Variants in RBMS3 observed in about 807,000 individuals in gnomAD.
RBMS3 encodes RNA binding motif single stranded interacting protein 3, also known as RNA-binding motif, single-stranded-interacting protein 3.
In RBMS3, 27 loss-of-function variants were observed where a neutral mutation model predicts 66.8. The ratio of observed to expected loss-of-function variants is 0.40; its 90% CI spans 0.30 to 0.56. RBMS3 has a LOEUF of 0.56. Among genes scored for constraint, RBMS3 ranks in the 20% least tolerant of loss-of-function variants. The probability of loss-of-function intolerance (pLI) is 0.40; values close to 1 mark genes in which losing one functional copy is unlikely to be tolerated. For missense variants in RBMS3, 513 were observed against 549.5 expected (o/e 0.93, Z 0.66); for synonymous variants, 188 against 183.0 (o/e 1.03, Z -0.22).
intron 1 of RBMS3, among the ~76,000 whole-genome samples, chr3:29,398,477 G>A (rs2039654449): frequency 6.6e-6 from 1 of 152,142 alleles, no homozygotes; most frequent in Non-Finnish European, 1.5e-5. Flanking sequence ...CCAGCTATTG[G>A]AGTAAATAAA....
chr3:29,411,494 T>G (rs1421604898), intron 1 of RBMS3, among the ~76,000 whole-genome samples: 2 of 152,176 alleles, frequency 1.3e-5, no homozygotes, highest in African/African-American at 4.8e-5. Context: ...CTGTTTTCCA[T>G]TTTTCAGGAA....
At chr3:29,665,103 A>G (rs1258621143) in intron 4 of RBMS3, among the ~76,000 whole-genome samples, 2 of 152,242 alleles carry the variant, frequency 1.3e-5, no homozygotes, top group East Asian at 3.8e-4. Flanking sequence ...TGAAAATGCT[A>G]GTAACCAGAA....
intron 2 of RBMS3, among the ~76,000 whole-genome samples, chr3:29,445,554 T>C (rs529839165): frequency 9.9e-5 from 15 of 152,134 alleles, no homozygotes; most frequent in Non-Finnish European, 2.1e-4. Context: ...AATTTTGTTT[T>C]TTCACAGATT....
At chr3:29,374,631 G>T (rs1463953776) in intron 1 of RBMS3, among the ~76,000 whole-genome samples, 1 of 152,194 alleles carries the variant, frequency 6.6e-6, no homozygotes, top group African/African-American at 2.4e-5. Flanking sequence ...GCATGTTTAA[G>T]TTAGGCTAGG....
intron 1 of RBMS3, among the ~76,000 whole-genome samples, chr3:29,299,792 G>A (rs965728273): frequency 4.6e-5 from 7 of 151,750 alleles, no homozygotes; most frequent in African/African-American, 1.7e-4. Context: ...TAGTATGGGG[G>A]TGGGGGTTCC....
In RBMS3 at chr3:30,005,399, G is replaced by A. The variant is rs1313740739; in HGVS notation, c.*1537G>A. The A allele has an allele frequency of 6.6e-6, 1 of 151,784 alleles. No individual in the cohort carries two copies. Among genetic ancestry groups the A allele is most frequent in the Non-Finnish European group, 1.5e-5 (1 of 67,788 alleles). 9.4% of individuals were successfully genotyped at this position (151,784 alleles called of 1,614,324 possible). On this transcript the variant is annotated 3_prime_UTR_variant, in exon 15 of 15. Transcript: ENST00000383767. ...TGTCTTGAATAGTGAAACCTGTATT[G>A]ATGGCCACTAGTAAACCAAGATGCT...
chr3:29,717,674 G>A (rs561237334), intron 4 of RBMS3, among the ~76,000 whole-genome samples: 15 of 152,180 alleles, frequency 9.9e-5, no homozygotes, highest in Non-Finnish European at 1.9e-4. Flanking sequence ...CATTAGAATT[G>A]TGCAGAAATA....
chr3:29,836,284 A>G (rs1349806509), intron 6 of RBMS3, among the ~76,000 whole-genome samples: 4 of 152,110 alleles, frequency 2.6e-5, no homozygotes, highest in African/African-American at 7.2e-5. Flanking sequence ...CATTACTCTA[A>G]TAAAGCCAGA....
chr3:29,811,473 T>C (rs762992284), intron 6 of RBMS3, among the ~76,000 whole-genome samples: 1 of 152,220 alleles, frequency 6.6e-6, no homozygotes, highest in African/African-American at 2.4e-5. Context: ...TAAGCTGGGT[T>C]CTATTCTAGG....
chr3:29,810,390 T>C (rs1439049395), intron 6 of RBMS3, among the ~76,000 whole-genome samples: 3 of 152,166 alleles, frequency 2.0e-5, no homozygotes, highest in African/African-American at 7.2e-5. Flanking sequence ...TAATGGATGG[T>C]TGAAATCTTC....
intron 2 of RBMS3, among the ~76,000 whole-genome samples, chr3:29,437,449 T>A (rs766540065): frequency 3.9e-5 from 6 of 152,256 alleles, no homozygotes; most frequent in Admixed American, 6.5e-5. Flanking sequence ...ATGTTTTTTA[T>A]GTGCATTTGA....
At chr3:29,300,856 T>C (rs2033626899) in intron 1 of RBMS3, among the ~76,000 whole-genome samples, 1 of 151,860 alleles carries the variant, frequency 6.6e-6, no homozygotes, top group South Asian at 2.1e-4. Context: ...AAGTAACATA[T>C]ATAGAAAGTG....
chr3:29,846,606 G>A (rs1022213262), intron 6 of RBMS3, among the ~76,000 whole-genome samples: 11 of 152,114 alleles, frequency 7.2e-5, no homozygotes, highest in African/African-American at 2.4e-4. Flanking sequence ...GCTATTCAGC[G>A]ATGTGATGAC....
At chr3:29,422,320 G>T (rs2040777617) in intron 1 of RBMS3, among the ~76,000 whole-genome samples, 2 of 147,620 alleles carry the variant, frequency 1.4e-5, no homozygotes, top group South Asian at 2.1e-4. Flanking sequence ...AAGGACAATA[G>T]CAATTTGGAG....
At chr3:29,780,516 C>A (rs777867567) in intron 6 of RBMS3, among the ~76,000 whole-genome samples, 1 of 151,972 alleles carries the variant, frequency 6.6e-6, no homozygotes, top group Non-Finnish European at 1.5e-5. Flanking sequence ...AAAAAAATCA[C>A]CTTAAATGTA....
chr3:29,879,032 CTG>C (rs1381915342), intron 7 of RBMS3, among the ~76,000 whole-genome samples: 5 of 151,946 alleles, frequency 3.3e-5, no homozygotes, highest in Non-Finnish European at 5.9e-5. Context: ...GAGTGAGAAC[CTG>C]TGTCTAAAAT....
rs760666955 is a variant in RBMS3, at chr3:29,654,168, G to A, written c.399+66963G>A. 8.5e-5 allele frequency among the ~76,000 whole-genome samples: 13 copies of A among 152,218 alleles called. 3 individuals are homozygous for A. In the South Asian group the frequency reaches 2.3e-3, roughly 27 times the overall value. ...GACAGAACGTTGAAATGAAAAGATA[G>A]GGAAAATTGGCAGAAACACTCTGCA... On this transcript the variant is annotated intron_variant, in intron 4 of 14. Coordinates refer to ENST00000383767, the MANE Select transcript of RBMS3 (RefSeq NM_001003793.3).
intron 1 of RBMS3, among the ~76,000 whole-genome samples, chr3:29,315,730 C>T (rs963965715): frequency 1.3e-5 from 2 of 151,608 alleles, no homozygotes; most frequent in Admixed American, 1.3e-4. Context: ...AGTGAACACA[C>T]TAGTTGCTAT....
chr3:29,474,432 G>T (rs2042875318), intron 2 of RBMS3, among the ~76,000 whole-genome samples: 1 of 152,194 alleles, frequency 6.6e-6, no homozygotes, highest in South Asian at 2.1e-4. Context: ...CAAGAAAAAA[G>T]AAACACAGCT....
Sources: allele counts gnomAD v4.1 joint callset (sites outside exome capture counted in the v4.1 genomes callset), GRCh38; gene constraint gnomAD v4.1.1; transcripts MANE v1.5; gene names NCBI Gene and HGNC (gene_info 2026-07-23, HGNC 2026-07-21).